IGF2BP2: variants seen among roughly 807,000 people sequenced by gnomAD.
The protein encoded by IGF2BP2 is insulin like growth factor 2 mRNA binding protein 2, also known as insulin-like growth factor 2 mRNA-binding protein 2.
Under a neutral mutation model 75.8 loss-of-function variants are expected in IGF2BP2, and 17 were observed. The ratio of observed to expected loss-of-function variants is 0.22; its 90% CI spans 0.15 to 0.34. The LOEUF (loss-of-function observed/expected upper bound fraction) is 0.34. Among genes scored for constraint, IGF2BP2 ranks in the 10% least tolerant of loss-of-function variants. The pLI is 1.00. For synonymous variants in IGF2BP2, 288 were observed against 295.6 expected (o/e 0.97, Z 0.26); for missense variants, 516 against 772.4 (o/e 0.67, Z 3.93).
intron 6 of IGF2BP2, among the ~76,000 whole-genome samples, chr3:185,687,631 G>A (rs1721327041): frequency 6.6e-6 from 1 of 152,190 alleles, no homozygotes; most frequent in African/African-American, 2.4e-5. Flanking sequence ...ATTCAAGCAA[G>A]CTTTATATAT....
At chr3:185,750,926 T>C (rs980036712) in intron 2 of IGF2BP2, among the ~76,000 whole-genome samples, 2 of 152,196 alleles carry the variant, frequency 1.3e-5, no homozygotes, top group Non-Finnish European at 2.9e-5. Context: ...TTTAAAACAA[T>C]TGCTTCCTGG....
chr3:185,771,507 T>C (rs1733875606), intron 2 of IGF2BP2, among the ~76,000 whole-genome samples: 1 of 151,724 alleles, frequency 6.6e-6, no homozygotes, highest in South Asian at 2.1e-4. Context: ...AATATGTTTA[T>C]GAGACTCTGC....
At chr3:185,793,981 C>T (rs1416173147) in intron 2 of IGF2BP2, among the ~76,000 whole-genome samples, 4 of 131,542 alleles carry the variant, frequency 3.0e-5, no homozygotes, top group South Asian at 2.5e-4. Context: ...TTTTTTGAGA[C>T]GGAGTCTTGC....
chr3:185,676,997 T>TAC (rs1203758651), intron 7 of IGF2BP2, among the ~76,000 whole-genome samples: 1 of 134,278 alleles, frequency 7.4e-6, no homozygotes, highest in African/African-American at 2.8e-5. Flanking sequence ...GAGATATATA[T>TAC]ATATGGAGAG....
intron 2 of IGF2BP2, among the ~76,000 whole-genome samples, chr3:185,745,881 A>G (rs951813920): frequency 6.6e-6 from 1 of 152,092 alleles, no homozygotes; most frequent in Non-Finnish European, 1.5e-5. Flanking sequence ...TACATAAGAA[A>G]AAAAAAAAAA....
intron 2 of IGF2BP2, chr3:185,724,880 C>T (rs1727091777): frequency 6.6e-6 from 1 of 152,190 alleles, no homozygotes; most frequent in African/African-American, 2.4e-5. Flanking sequence ...TGCTTCTGAA[C>T]ATGGTGACAG....
At chr3:185,796,588 T>A in intron 2 of IGF2BP2, among the ~76,000 whole-genome samples, 9 of 98,026 alleles carry the variant, frequency 9.2e-5, no homozygotes, top group East Asian at 2.6e-4. Flanking sequence ...AAAAAAAAAT[T>A]CCAGGGACAA....
chr3:185,730,809 A>T (rs1411424573), intron 2 of IGF2BP2, among the ~76,000 whole-genome samples: 1 of 152,090 alleles, frequency 6.6e-6, no homozygotes, highest in East Asian at 1.9e-4. Flanking sequence ...ACTGTTTTCC[A>T]TAGAGGTTGT....
intron 10 of IGF2BP2, among the ~76,000 whole-genome samples, chr3:185,667,038 C>T (rs1218599600): frequency 6.6e-6 from 1 of 152,114 alleles, no homozygotes; most frequent in African/African-American, 2.4e-5. Flanking sequence ...GTATAAAACA[C>T]ACAGAATCTG....
chr3:185,767,492 A>G (rs1303772529), intron 2 of IGF2BP2, among the ~76,000 whole-genome samples: 1 of 152,234 alleles, frequency 6.6e-6, no homozygotes, highest in African/African-American at 2.4e-5. Context: ...TTTCTTTACT[A>G]CAGGACTTCT....
intron 2 of IGF2BP2, among the ~76,000 whole-genome samples, chr3:185,742,772 T>C (rs545119546): frequency 6.6e-6 from 1 of 152,320 alleles, no homozygotes; most frequent in East Asian, 1.9e-4. Context: ...ATGATTTCAG[T>C]GATAACAAGC....
chr3:185,745,499 C>T (rs1005073274), intron 2 of IGF2BP2, among the ~76,000 whole-genome samples: 3 of 152,146 alleles, frequency 2.0e-5, no homozygotes, highest in Non-Finnish European at 4.4e-5. Flanking sequence ...TTTTCCTTCC[C>T]ACCCCCAGAG....
intron 2 of IGF2BP2, among the ~76,000 whole-genome samples, chr3:185,763,813 T>A (rs1732693640): frequency 6.6e-6 from 1 of 152,216 alleles, no homozygotes; most frequent in Non-Finnish European, 1.5e-5. Flanking sequence ...GTGTTTTTTT[T>A]AAGTCTTTTA....
At chr3:185,690,990 C>A (rs2149327628) in intron 5 of IGF2BP2, among the ~76,000 whole-genome samples, 1 of 152,244 alleles carries the variant, frequency 6.6e-6, no homozygotes, top group South Asian at 2.1e-4. Context: ...TAGAGAGGTC[C>A]ACCCAAGCAG....
intron 2 of IGF2BP2, among the ~76,000 whole-genome samples, chr3:185,818,972 T>C (rs1339986581): frequency 6.6e-6 from 1 of 152,208 alleles, no homozygotes; most frequent in Non-Finnish European, 1.5e-5. Flanking sequence ...TGCAATTTGT[T>C]CTAAATCTTC....
chr3:185,809,632 A>G (rs1462299011), intron 2 of IGF2BP2, among the ~76,000 whole-genome samples: 1 of 152,158 alleles, frequency 6.6e-6, no homozygotes, highest in East Asian at 1.9e-4. Context: ...CCCCTGTCAG[A>G]AAGAAAGGAA....
At chr3:185,782,520 C>T (rs754125202) in intron 2 of IGF2BP2, among the ~76,000 whole-genome samples, 2 of 152,080 alleles carry the variant, frequency 1.3e-5, no homozygotes, top group Non-Finnish European at 2.9e-5. Flanking sequence ...AACTCACATT[C>T]GTTTACATAG....
At chr3:185,722,196 A>G in intron 2 of IGF2BP2, 1 of 454,694 alleles carries the variant, frequency 2.2e-6, no homozygotes, top group Non-Finnish European at 4.4e-6. Context: ...AGCCTCCCAA[A>G]GTGCTGGGAC....
At chr3:185,653,763 A>G (rs561338572) in intron 12 of IGF2BP2, among the ~76,000 whole-genome samples, 20 of 152,352 alleles carry the variant, frequency 1.3e-4, no homozygotes, top group Non-Finnish European at 2.5e-4. Flanking sequence ...AGCAAATACG[A>G]AACAAGAAAC....
Sources: gnomAD v4.1 joint callset for allele counts (sites outside exome capture counted in the v4.1 genomes callset) on GRCh38, gnomAD v4.1.1 for gene constraint, MANE v1.5 for transcripts, NCBI Gene and HGNC (gene_info 2026-07-23, HGNC 2026-07-21) for gene names.